The following DACH2 variants were observed in gnomAD, a reference collection of about 807,000 sequenced individuals.
DACH2 encodes the protein dachshund homolog 2.
A neutral mutation model predicts 35.8 loss-of-function variants in DACH2; 17 were observed. That is an observed-to-expected ratio of 0.48 (90% CI 0.33 to 0.71). The LOEUF (loss-of-function observed/expected upper bound fraction) is 0.71, where lower values mean the gene tolerates loss of function less well. Among genes scored for constraint, DACH2 ranks in the 30% least tolerant of loss-of-function variants. The pLI is 0.02. For synonymous variants in DACH2, 195 were observed against 177.3 expected (o/e 1.10, Z -0.79); for missense variants, 469 against 472.7 (o/e 0.99, Z 0.07).
chrX:86,302,927 A>T (rs6524627), intron 1 of DACH2, among the ~76,000 whole-genome samples: 51,640 of 107,474 alleles, frequency 0.48, 9,668 homozygotes, highest in Non-Finnish European at 0.58. Context: ...CTATGTTCTC[A>T]GCACTTATTA....
intron 11 of DACH2, among the ~76,000 whole-genome samples, chrX:86,819,107 T>A (rs1293574161): frequency 9.2e-6 from 1 of 108,427 alleles, no homozygotes; most frequent in South Asian, 3.8e-4. Flanking sequence ...ATGTCTTTTA[T>A]GCTTTGAATG....
chrX:86,445,287 T>G (rs1299401174), intron 2 of DACH2, among the ~76,000 whole-genome samples: 1 of 92,111 alleles, frequency 1.1e-5, no homozygotes, highest in East Asian at 3.6e-4. Flanking sequence ...ATATTCTCAC[T>G]CATAGGTGGG....
intron 2 of DACH2, among the ~76,000 whole-genome samples, chrX:86,464,756 TATC>T (rs1339484981): frequency 8.9e-6 from 1 of 111,785 alleles, no homozygotes; most frequent in Non-Finnish European, 1.9e-5. Flanking sequence ...TAGGTATAGA[TATC>T]ATAAAAGGAT....
intron 6 of DACH2, among the ~76,000 whole-genome samples, chrX:86,734,246 G>A (rs1371456806): frequency 6.3e-5 from 7 of 110,673 alleles, no homozygotes; most frequent in African/African-American, 2.0e-4. Context: ...TATTATTTTG[G>A]ACTCTCGTGC....
intron 1 of DACH2, among the ~76,000 whole-genome samples, chrX:86,269,141 C>T: frequency 9.1e-6 from 1 of 110,246 alleles, no homozygotes. Context: ...CCCCCAACTA[C>T]CCTTCTCAGC....
At chrX:86,453,546 G>A (rs1422703208) in intron 2 of DACH2, among the ~76,000 whole-genome samples, 1 of 109,657 alleles carries the variant, frequency 9.1e-6, no homozygotes, top group Non-Finnish European at 1.9e-5. Context: ...TTGCTGAATT[G>A]AACCTTTTAC....
intron 7 of DACH2, among the ~76,000 whole-genome samples, chrX:86,812,249 C>T (rs1050879303): frequency 4.5e-5 from 5 of 111,421 alleles, no homozygotes; most frequent in African/African-American, 1.3e-4. Context: ...TCAGAAAAGG[C>T]AAATCTTTGG....
intron 1 of DACH2, among the ~76,000 whole-genome samples, chrX:86,247,293 G>C (rs2033305767): frequency 9.0e-6 from 1 of 111,241 alleles, no homozygotes; most frequent in African/African-American, 3.3e-5. Flanking sequence ...GAATGAAATT[G>C]AGACATGAAA....
intron 3 of DACH2, among the ~76,000 whole-genome samples, chrX:86,549,577 A>T (rs1262590743): frequency 1.8e-5 from 2 of 109,928 alleles, no homozygotes; most frequent in African/African-American, 6.6e-5. Context: ...ATATTTTTTT[A>T]AATTAAATTT....
At chrX:86,741,723 AC>A (rs2147261870) in intron 7 of DACH2, among the ~76,000 whole-genome samples, 1 of 111,644 alleles carries the variant, frequency 9.0e-6, no homozygotes, top group East Asian at 2.8e-4. Flanking sequence ...CTGTTGGTAT[AC>A]CATTCATATT....
At chrX:86,331,798 G>T (rs1418500332) in intron 1 of DACH2, among the ~76,000 whole-genome samples, 1 of 111,436 alleles carries the variant, frequency 9.0e-6, no homozygotes. Context: ...TGGGGAGGAA[G>T]ATTAGAGACG....
At chrX:86,748,778 G>A (rs1479463303) in intron 7 of DACH2, among the ~76,000 whole-genome samples, 1 of 111,696 alleles carries the variant, frequency 9.0e-6, no homozygotes, top group African/African-American at 3.2e-5. Flanking sequence ...AAGCTTTGAA[G>A]CCAGGTATGG....
chrX:86,449,322 T>C (rs2037323514), intron 2 of DACH2, among the ~76,000 whole-genome samples: 1 of 97,218 alleles, frequency 1.0e-5, no homozygotes, highest in African/African-American at 3.8e-5. Context: ...ATTTTAGTTA[T>C]TTGTTGCCTT....
chrX:86,738,254 A>T (rs11797439), intron 6 of DACH2, among the ~76,000 whole-genome samples: 1 of 110,875 alleles, frequency 9.0e-6, no homozygotes, highest in African/African-American at 3.3e-5. Flanking sequence ...AGGTGGCATC[A>T]CTGTGCCCGC....
At chrX:86,505,663 T>G (rs898282910) in intron 2 of DACH2, among the ~76,000 whole-genome samples, 1 of 112,041 alleles carries the variant, frequency 8.9e-6, no homozygotes, top group African/African-American at 3.2e-5. Flanking sequence ...AACCAGTGTT[T>G]AGATATATTG....
intron 4 of DACH2, among the ~76,000 whole-genome samples, chrX:86,658,217 G>A (rs891562013): frequency 1.8e-5 from 2 of 111,164 alleles, no homozygotes; most frequent in South Asian, 3.7e-4. Context: ...TGAAATAAGC[G>A]GGACACTGAC....
intron 6 of DACH2, among the ~76,000 whole-genome samples, chrX:86,716,988 CAG>C (rs2041344351): frequency 8.9e-6 from 1 of 111,910 alleles, no homozygotes; most frequent in South Asian, 3.7e-4. Flanking sequence ...CACAAATACA[CAG>C]AAACCATTTT....
chrX:86,691,401 C>T (rs1488596200), intron 4 of DACH2, among the ~76,000 whole-genome samples: 2 of 111,509 alleles, frequency 1.8e-5, no homozygotes, highest in Non-Finnish European at 3.8e-5. Flanking sequence ...GGATGAATAC[C>T]TCATTCTCCA....
chrX:86,234,597 A>T (rs1453943822), intron 1 of DACH2, among the ~76,000 whole-genome samples: 1 of 100,423 alleles, frequency 1.0e-5, no homozygotes. Context: ...TAATATTTCT[A>T]CTTTATTTAT....
Sources: gnomAD v4.1 joint callset for allele counts (sites outside exome capture counted in the v4.1 genomes callset) on GRCh38, gnomAD v4.1.1 for gene constraint, MANE v1.5 for transcripts, NCBI Gene and HGNC (gene_info 2026-07-23, HGNC 2026-07-21) for gene names.